Variants in NBAS observed in about 807,000 individuals in gnomAD.
NBAS encodes NAG/BC035112 fusion.
A neutral mutation model predicts 302.5 loss-of-function variants in NBAS; 219 were observed. The ratio of observed to expected loss-of-function variants is 0.72; its 90% CI spans 0.65 to 0.81. The LOEUF (loss-of-function observed/expected upper bound fraction) is 0.81. Ranked by LOEUF, NBAS falls within the 30% of genes least tolerant of loss-of-function variation. The pLI, the probability that NBAS is intolerant of heterozygous loss-of-function variation, is 0.00. For missense variants in NBAS, 2,932 were observed against 2,841.6 expected, an observed-to-expected ratio of 1.03 and a Z score of -0.72; for synonymous variants, 1,118 against 1,021.6, an observed-to-expected ratio of 1.09 and a Z score of -1.80.
chr2:15,422,465 T>C (rs1572825563), intron 23 of NBAS, among the ~76,000 whole-genome samples: 2 of 151,296 alleles, frequency 1.3e-5, no homozygotes, highest in East Asian at 3.8e-4. Context: ...TATGGGACTC[T>C]GTATTTCCTA....
At chr2:15,529,858 A>C (rs537790298) in intron 9 of NBAS, among the ~76,000 whole-genome samples, 1 of 152,220 alleles carries the variant, frequency 6.6e-6, no homozygotes. Context: ...AAAAATCAAA[A>C]TGGCATGATT....
chr2:15,218,896 C>A lies in NBAS; in HGVS notation c.6309G>T (p.Val2103=), dbSNP rs1484080953. The A allele has an allele frequency of 6.2e-7, 1 of 1,614,276 alleles. No individual in the cohort carries two copies. The highest frequency in any genetic ancestry group is 1.7e-5 in the Admixed American group (1 of 60,034). Residue 2103 remains valine, a synonymous_variant, in exon 48 of 52, where the codon GTG becomes GTT. Coordinates refer to ENST00000281513, the MANE Select transcript of NBAS (RefSeq NM_015909.4). ...RPFCADDAWP[V]RPRIHVLQIL... The stretch of plus-strand genomic sequence containing the variant: ...TCTGCAGCACGTGAATGCGGGGCCG[C>A]ACCGGCCAGGCGTCATCAGCACAGA...
At chr2:14,909,790 G>A in the NBAS span, among the ~76,000 whole-genome samples, 8 of 152,296 alleles carry the variant, frequency 5.3e-5, no homozygotes, top group East Asian at 1.2e-3. Flanking sequence ...TGGGCACAGC[G>A]AGGTGCTAGA....
chr2:15,045,262 A>G, the NBAS span, among the ~76,000 whole-genome samples: 2 of 152,208 alleles, frequency 1.3e-5, no homozygotes, highest in African/African-American at 4.8e-5. Context: ...TGAAGAGAAT[A>G]AGTATTCCAG....
intron 19 of NBAS, among the ~76,000 whole-genome samples, chr2:15,462,352 A>AC (rs1324183406): frequency 1.3e-5 from 2 of 152,192 alleles, no homozygotes; most frequent in Non-Finnish European, 2.9e-5. Context: ...GTAAGGTGCC[A>AC]CAACTAGTTC....
the NBAS span, among the ~76,000 whole-genome samples, chr2:14,823,107 C>T: frequency 6.6e-6 from 1 of 152,178 alleles, no homozygotes; most frequent in Non-Finnish European, 1.5e-5. Flanking sequence ...AAAATATACT[C>T]TTATTCCCGT....
In NBAS at chr2:15,330,352, A is replaced by G. The variant is rs147494303; in HGVS notation, c.4347+246T>C. ...ATAAAATTTTTCTTTTCATCACACT[A>G]AATTCTGATATATAAACCGAGCCTT... is the stretch of plus-strand genomic sequence containing the variant. On this transcript the variant is annotated intron_variant, in intron 36 of 51. Coordinates refer to ENST00000281513, the MANE Select transcript of NBAS (RefSeq NM_015909.4). 4.6e-5 allele frequency among the ~76,000 whole-genome samples: 7 copies of G among 152,330 alleles called. No individual in the cohort carries two copies. In the East Asian group the frequency reaches 1.4e-3, roughly 29 times the overall value.
chr2:15,403,567 A>G (rs1389324369), intron 25 of NBAS, among the ~76,000 whole-genome samples: 1 of 152,230 alleles, frequency 6.6e-6, no homozygotes, highest in African/African-American at 2.4e-5. Flanking sequence ...GATTTAAAGT[A>G]TACAAGAGGA....
chr2:15,050,284 T>A, the NBAS span, among the ~76,000 whole-genome samples: 1 of 152,188 alleles, frequency 6.6e-6, no homozygotes, highest in Non-Finnish European at 1.5e-5. Flanking sequence ...TTCTCTTTTT[T>A]TCTTTTTCTT....
At chr2:15,467,456 T>A in intron 18 of NBAS, 49 bp from the exon 19 acceptor site, 1 of 1,472,396 alleles carries the variant, frequency 6.8e-7, no homozygotes, top group Non-Finnish European at 9.5e-7. Flanking sequence ...CAGAATTATT[T>A]CTCTAGGAGT....
the NBAS span, among the ~76,000 whole-genome samples, chr2:14,841,004 T>C: frequency 6.6e-6 from 1 of 151,948 alleles, no homozygotes; most frequent in South Asian, 2.1e-4. Flanking sequence ...TATAAAAATA[T>C]GTAAATCAAG....
At chr2:15,239,262 A>T (rs1336980136) in intron 44 of NBAS, among the ~76,000 whole-genome samples, 1 of 152,032 alleles carries the variant, frequency 6.6e-6, no homozygotes, top group Non-Finnish European at 1.5e-5. Context: ...TCTCTAGATA[A>T]TGTTTACATT....
intron 40 of NBAS, among the ~76,000 whole-genome samples, chr2:15,304,017 G>A (rs1558517971): frequency 6.6e-6 from 1 of 152,188 alleles, no homozygotes; most frequent in Non-Finnish European, 1.5e-5. Flanking sequence ...CAGAAGCAGG[G>A]TGTGGCACAT....
chr2:14,938,194 A>G, the NBAS span, among the ~76,000 whole-genome samples: 1 of 152,248 alleles, frequency 6.6e-6, no homozygotes, highest in South Asian at 2.1e-4. Context: ...TAACACTGAA[A>G]GCATTATATA....
chr2:15,200,246 A>C (rs1665814017), intron 48 of NBAS, among the ~76,000 whole-genome samples: 1 of 152,164 alleles, frequency 6.6e-6, no homozygotes, highest in Non-Finnish European at 1.5e-5. Flanking sequence ...TATAGACTAG[A>C]CAGGACAGGA....
the NBAS span, among the ~76,000 whole-genome samples, chr2:14,819,721 A>T: frequency 6.6e-6 from 1 of 152,218 alleles, no homozygotes; most frequent in African/African-American, 2.4e-5. Context: ...CAAAGTGGAG[A>T]GGCAACCCAC....
At chr2:14,797,090 G>T in the NBAS span, among the ~76,000 whole-genome samples, 1 of 81,628 alleles carries the variant, frequency 1.2e-5, no homozygotes, top group African/African-American at 8.7e-5. Flanking sequence ...GCGAGACTCC[G>T]TCTCAAAAAA....
the NBAS span, among the ~76,000 whole-genome samples, chr2:15,063,227 T>C: frequency 6.6e-6 from 1 of 152,246 alleles, no homozygotes; most frequent in African/African-American, 2.4e-5. Flanking sequence ...TATGTGCAGT[T>C]AAGAATGGAC....
chr2:14,848,505 C>G, the NBAS span, among the ~76,000 whole-genome samples: 15 of 144,322 alleles, frequency 1.0e-4, no homozygotes, highest in Admixed American at 8.0e-4. Flanking sequence ...GGGGGAGGGG[C>G]GCCCGCCATT....
Sources: gnomAD v4.1 joint callset for allele counts (sites outside exome capture counted in the v4.1 genomes callset) on GRCh38, gnomAD v4.1.1 for gene constraint, MANE v1.5 for transcripts, NCBI Gene and HGNC (gene_info 2026-07-23, HGNC 2026-07-21) for gene names.